The following RGS3 variants were observed in gnomAD, a reference collection of about 807,000 sequenced individuals.
RGS3 encodes the protein regulator of G protein signaling 3, also known as regulator of G-protein signalling 3.
Under a neutral mutation model 132.6 loss-of-function variants are expected in RGS3, and 80 were observed. That is an observed-to-expected ratio of 0.60 (90% CI 0.50 to 0.73). The LOEUF is 0.73. Among genes scored for constraint, RGS3 ranks in the 30% least tolerant of loss-of-function variants. The pLI is 0.00. For synonymous variants in RGS3, 598 were observed against 620.6 expected (o/e 0.96, Z 0.54); for missense variants, 1,382 against 1,530.8 (o/e 0.90, Z 1.62).
chr9:113,583,027 C>T (rs1035620793), intron 19 of RGS3: 18 of 210,334 alleles, frequency 8.6e-5, no homozygotes, highest in Non-Finnish European at 3.9e-5. Flanking sequence ...GGTCCATAAG[C>T]AGAGACTGCC....
At position 113,540,535 on chromosome 9, in the gene RGS3, C is replaced by G. The variant is rs7018783; in HGVS notation, c.2037+3617C>G. The stretch of plus-strand genomic sequence containing the variant: ...GGGTCCTGGCTATCCAAGCATCATC[C>G]GTGCCGTGAGCCTCCTGCTCAGTAC... On this transcript the variant is annotated intron_variant, in intron 19 of 24. Transcript: ENST00000350696. 2.6e-5 allele frequency among the ~76,000 whole-genome samples: 4 copies of G among 152,190 alleles called. No homozygotes were observed. In the East Asian group the frequency reaches 7.7e-4, roughly 29 times the overall value.
chr9:113,486,813 T>C (rs1176364275), intron 7 of RGS3, among the ~76,000 whole-genome samples: 3 of 152,336 alleles, frequency 2.0e-5, no homozygotes, highest in Admixed American at 6.5e-5. Flanking sequence ...GTATTTAACA[T>C]ACAAAACGAA....
chr9:113,490,510 A>G (rs1830471314), intron 7 of RGS3, among the ~76,000 whole-genome samples: 1 of 151,788 alleles, frequency 6.6e-6, no homozygotes, highest in Non-Finnish European at 1.5e-5. Context: ...ATAATATGGC[A>G]AAAGACAAAT....
intron 1 of RGS3, among the ~76,000 whole-genome samples, chr9:113,445,313 T>C (rs1399907921): frequency 6.6e-6 from 1 of 152,148 alleles, no homozygotes; most frequent in Non-Finnish European, 1.5e-5. Flanking sequence ...TTCTCCTGCC[T>C]CAGCCTCCCA....
intron 19 of RGS3, among the ~76,000 whole-genome samples, chr9:113,549,904 G>A (rs1833261113): frequency 6.6e-6 from 1 of 152,158 alleles, no homozygotes; most frequent in African/African-American, 2.4e-5. Flanking sequence ...TTGTACAGGA[G>A]GCTGAGATGG....
intron 1 of RGS3, among the ~76,000 whole-genome samples, chr9:113,445,418 C>T (rs1306782586): frequency 1.3e-5 from 2 of 151,958 alleles, no homozygotes; most frequent in Admixed American, 6.6e-5. Context: ...AGGCTTGTCT[C>T]GAACTCTGCC....
intron 4 of RGS3, among the ~76,000 whole-genome samples, chr9:113,482,519 C>T (rs1373087926): frequency 6.6e-6 from 1 of 152,314 alleles, no homozygotes; most frequent in South Asian, 2.1e-4. Context: ...AGCCACAGCA[C>T]GGCTCACGGC....
chr9:113,461,004 G>A (rs1176437773), intron 1 of RGS3, among the ~76,000 whole-genome samples: 1 of 152,104 alleles, frequency 6.6e-6, no homozygotes, highest in Non-Finnish European at 1.5e-5. Context: ...GCATGTGTCA[G>A]TGTGATGTGT....
chr9:113,517,709 T>C, intron 16 of RGS3, 85 bp downstream of exon 14: 2 of 1,019,916 alleles, frequency 2.0e-6, no homozygotes, highest in South Asian at 2.7e-5. Context: ...GGTCTCTTCC[T>C]GAGTATCTTA....
intron 19 of RGS3, among the ~76,000 whole-genome samples, chr9:113,563,717 A>T (rs1833883192): frequency 6.6e-6 from 1 of 152,056 alleles, no homozygotes. Context: ...TAAGTGACCA[A>T]CTCAGAGGAG....
intron 19 of RGS3, among the ~76,000 whole-genome samples, chr9:113,563,868 G>C (rs1051149450): frequency 6.6e-6 from 1 of 152,188 alleles, no homozygotes; most frequent in African/African-American, 2.4e-5. Flanking sequence ...CGAGACCCTG[G>C]GGGGTCTCTA....
Position 113,537,582 on chromosome 9 carries a change from C to T in RGS3, c.2037+664C>T, listed in dbSNP as rs1215627309. ...CAGCCACAAAGTACAGTTATATTAC[C>T]CCATTTGTGAGTCATTCAGGTCCCT... On this transcript the variant is annotated intron_variant, in intron 19 of 24. Transcript: ENST00000350696. This position sits in a 1 kb window ranked among gnomAD's most constrained non-coding sequence, Gnocchi z 4.3. Among the ~76,000 whole-genome samples the T allele has an allele frequency of 1.3e-5, 2 of 152,206 alleles. No individual in the cohort carries two copies. Among genetic ancestry groups the T allele is most frequent in the Admixed American group, 1.3e-4 (2 of 15,286 alleles).
intron 3 of RGS3, among the ~76,000 whole-genome samples, chr9:113,468,841 G>T (rs1026711314): frequency 6.6e-6 from 1 of 152,086 alleles, no homozygotes; most frequent in Non-Finnish European, 1.5e-5. Flanking sequence ...GTCTGCAGGT[G>T]GCTGTGGACA....
intron 10 of RGS3, among the ~76,000 whole-genome samples, chr9:113,501,027 G>T (rs1830863647): frequency 6.6e-6 from 1 of 152,160 alleles, no homozygotes; most frequent in South Asian, 2.1e-4. Flanking sequence ...TGGCAGGCAG[G>T]TCTTCAGACT....
At chr9:113,538,798 T>G (rs1832786352) in intron 19 of RGS3, among the ~76,000 whole-genome samples, 5 of 152,152 alleles carry the variant, frequency 3.3e-5, no homozygotes, top group Non-Finnish European at 1.5e-5. Flanking sequence ...AGGAGAAGGA[T>G]GAAGGAGGGG....
chr9:113,542,864 G>A (rs1832960912), intron 19 of RGS3, among the ~76,000 whole-genome samples: 1 of 152,344 alleles, frequency 6.6e-6, no homozygotes, highest in Admixed American at 6.5e-5. Flanking sequence ...AACTGACTTC[G>A]CATGCTTTCC....
rs144149443 is a variant in RGS3 at position 113,463,267 on chromosome 9, A to T, written c.415+1066A>T. Among the ~76,000 whole-genome samples, 106 of 152,298 alleles carry T rather than the reference A, an allele frequency of 7.0e-4. No homozygotes were observed. Among genetic ancestry groups the T allele is most frequent in the African/African-American group, 2.4e-3 (99 of 41,570 alleles). On this transcript the variant is annotated intron_variant, in intron 3 of 24. Transcript: ENST00000350696. This position sits in a 1 kb window ranked among gnomAD's most constrained non-coding sequence, Gnocchi z 4.6. ...AGAGGATGCAGCATGGTGGGGGGCG[A>T]CCTGTCCAAGCGCAGAGAACACTTT...
In RGS3 at chr9:113,505,657, T is replaced by G. The variant is rs1243282263; in HGVS notation, c.979+134T>G. 3 of 675,332 alleles carry G rather than the reference T, an allele frequency of 4.4e-6. No homozygotes were observed. The East Asian group carries it at 8.2e-5, about 19-fold the overall frequency. 41.8% of individuals were successfully genotyped at this position (675,332 alleles called of 1,614,324 possible). ...TGGCTTTTCAAAATGAAAAGAATAATATTTTTAAGTGACCGTAGATGAAAC... is the reference window on the plus strand; with the variant it reads ...TGGCTTTTCAAAATGAAAAGAATAAGATTTTTAAGTGACCGTAGATGAAAC... On this transcript the variant is annotated intron_variant, in intron 11 of 24. Transcript: ENST00000350696.
intron 17 of RGS3, among the ~76,000 whole-genome samples, chr9:113,524,950 C>T (rs572006461): frequency 6.6e-6 from 1 of 152,166 alleles, no homozygotes. Flanking sequence ...TGGGGTGTCA[C>T]AGAGACTCTC....
Sources: gnomAD v4.1 joint callset for allele counts (sites outside exome capture counted in the v4.1 genomes callset) on GRCh38, gnomAD v4.1.1 for gene constraint, Gnocchi (gnomAD v3.1) non-coding constraint, MANE v1.5 for transcripts, NCBI Gene and HGNC (gene_info 2026-07-23, HGNC 2026-07-21) for gene names.